Variants in L3MBTL3 observed in about 807,000 individuals in gnomAD.
The protein encoded by L3MBTL3 is lethal(3)malignant brain tumor-like protein 3.
L3MBTL3 carries 27 observed loss-of-function variants against 102.3 expected under a neutral mutation model. That is an observed-to-expected ratio of 0.26 (90% confidence interval 0.19 to 0.36). The LOEUF (loss-of-function observed/expected upper bound fraction) is 0.36, where lower values mean the gene tolerates loss of function less well. Among genes scored for constraint, L3MBTL3 ranks in the 10% least tolerant of loss-of-function variants. The probability of loss-of-function intolerance (pLI) is 1.00; values close to 1 mark genes in which losing one functional copy is unlikely to be tolerated. For synonymous variants in L3MBTL3, 340 were observed against 320.9 expected, an observed-to-expected ratio of 1.06 and a Z score of -0.64; for missense variants, 798 against 955.3, an observed-to-expected ratio of 0.84 and a Z score of 2.17.
At chr6:130,052,786 C>T (rs1781187291) in intron 6 of L3MBTL3, 73 bp from the exon 7 acceptor site, 2 of 1,500,622 alleles carry the variant, frequency 1.3e-6, no homozygotes, top group South Asian at 2.8e-5. Flanking sequence ...ATGATTGTTG[C>T]ATTGATAATC....
chr6:130,117,748 G>T (rs902827084), intron 19 of L3MBTL3, among the ~76,000 whole-genome samples: 1 of 151,914 alleles, frequency 6.6e-6, no homozygotes. Flanking sequence ...CACCGAGGCT[G>T]AAGTGCAGTG....
At chr6:130,117,863 CTTTTTTTTT>C (rs56787867) in intron 19 of L3MBTL3, among the ~76,000 whole-genome samples, 1 of 53,014 alleles carries the variant, frequency 1.9e-5, no homozygotes, top group African/African-American at 7.7e-5. Flanking sequence ...GCACGCCTGA[CTTTTTTTTT>C]TTTTTTTTTT....
intron 1 of L3MBTL3, among the ~76,000 whole-genome samples, chr6:130,021,377 T>G (rs1319682842): frequency 6.6e-6 from 1 of 152,200 alleles, no homozygotes; most frequent in Non-Finnish European, 1.5e-5. Context: ...AATTGAAAGT[T>G]TAGTAAATCG....
chr6:130,033,931 A>C (rs537612691), intron 2 of L3MBTL3, among the ~76,000 whole-genome samples: 3 of 152,260 alleles, frequency 2.0e-5, no homozygotes, highest in Non-Finnish European at 4.4e-5. Flanking sequence ...ACCCTTTCTC[A>C]GTAATCCAAA....
intron 10 of L3MBTL3, among the ~76,000 whole-genome samples, chr6:130,062,519 G>T (rs1781960729): frequency 6.6e-6 from 1 of 150,798 alleles, no homozygotes; most frequent in Non-Finnish European, 1.5e-5. Flanking sequence ...CCATGTAGCT[G>T]GGACCACAGG....
chr6:130,046,938 T>C (rs1038842744), intron 3 of L3MBTL3, among the ~76,000 whole-genome samples: 1 of 152,222 alleles, frequency 6.6e-6, no homozygotes, highest in Admixed American at 6.5e-5. Flanking sequence ...CTTTGTGGTC[T>C]AACATTTTCT....
intron 1 of L3MBTL3, among the ~76,000 whole-genome samples, chr6:130,020,040 G>A (rs1778868116): frequency 7.0e-6 from 1 of 142,558 alleles, no homozygotes; most frequent in Non-Finnish European, 1.6e-5. Context: ...GGGGGAGGGT[G>A]GGGGCGGCGC....
intron 22 of L3MBTL3, among the ~76,000 whole-genome samples, chr6:130,134,112 A>G (rs1787360751): frequency 6.6e-6 from 1 of 152,204 alleles, no homozygotes; most frequent in Non-Finnish European, 1.5e-5. Flanking sequence ...GTTTGTGAGT[A>G]CCATTTTATG....
chr6:130,129,032 T>C (rs777570501), intron 20 of L3MBTL3, among the ~76,000 whole-genome samples: 10 of 152,188 alleles, frequency 6.6e-5, no homozygotes, highest in Admixed American at 1.3e-4. Context: ...ACATTCCTTA[T>C]ACCGTGCAAT....
At chr6:130,125,529 C>T (rs1786538752) in intron 20 of L3MBTL3, among the ~76,000 whole-genome samples, 2 of 152,150 alleles carry the variant, frequency 1.3e-5, no homozygotes, top group Non-Finnish European at 2.9e-5. Flanking sequence ...GAAGTTTTCC[C>T]AAGGTCTTTT....
In L3MBTL3 at chr6:130,097,514, A is replaced by G. The variant is rs527460929; in HGVS notation, c.1736+3147A>G. ...TTTGATCTAAGAAGTGTTAAAACAA[A>G]ACGTGTCTAAACAATGAAGCTTGAT... On this transcript the variant is annotated intron_variant, in intron 18 of 22. Transcript: ENST00000361794. Among the ~76,000 whole-genome samples the G allele has an allele frequency of 1.4e-4, 21 of 152,352 alleles. No individual in the cohort carries two copies. In the South Asian group the frequency reaches 4.3e-3, roughly 32 times the overall value.
chr6:130,117,507 A>G (rs1367110100), intron 19 of L3MBTL3, among the ~76,000 whole-genome samples: 1 of 152,140 alleles, frequency 6.6e-6, no homozygotes, highest in Non-Finnish European at 1.5e-5. Context: ...TGATATAATC[A>G]TATTTTGTCT....
chr6:130,041,113 A>C (rs1780396544), intron 2 of L3MBTL3, among the ~76,000 whole-genome samples: 1 of 152,240 alleles, frequency 6.6e-6, no homozygotes, highest in African/African-American at 2.4e-5. Flanking sequence ...GAGACCCTTG[A>C]GGAATGCATG....
intron 3 of L3MBTL3, among the ~76,000 whole-genome samples, chr6:130,048,014 A>T (rs1005473194): frequency 6.6e-6 from 1 of 152,196 alleles, no homozygotes; most frequent in Non-Finnish European, 1.5e-5. Flanking sequence ...CCATTTCCAC[A>T]CGTTTAGTCT....
chr6:130,070,608 A>G (rs1782564263), intron 12 of L3MBTL3, among the ~76,000 whole-genome samples: 1 of 152,128 alleles, frequency 6.6e-6, no homozygotes, highest in African/African-American at 2.4e-5. Flanking sequence ...TAAGTCTGTA[A>G]TCAAGAAAAG....
intron 16 of L3MBTL3, among the ~76,000 whole-genome samples, chr6:130,090,796 A>C (rs1166845209): frequency 3.3e-5 from 5 of 152,008 alleles, no homozygotes; most frequent in Non-Finnish European, 5.9e-5. Context: ...CATGTTGTCC[A>C]GGCTGATCTT....
chr6:130,082,823 A>G (rs919906283), intron 14 of L3MBTL3, among the ~76,000 whole-genome samples: 4 of 152,178 alleles, frequency 2.6e-5, no homozygotes, highest in South Asian at 2.1e-4. Context: ...GTATATGTCT[A>G]TTTCTGTGTC....
intron 2 of L3MBTL3, among the ~76,000 whole-genome samples, chr6:130,042,217 A>G (rs192886534): frequency 1.3e-5 from 2 of 152,314 alleles, no homozygotes; most frequent in East Asian, 3.9e-4. Context: ...TTATCTTAAC[A>G]GAGCCTTTTT....
intron 7 of L3MBTL3, 66 bp from the exon 8 acceptor site, chr6:130,055,105 T>G: frequency 8.7e-7 from 1 of 1,142,980 alleles, no homozygotes; most frequent in South Asian, 1.2e-5. Flanking sequence ...TTCTGATAGC[T>G]CTCTAACTAT....
Sources: gnomAD v4.1 joint callset for allele counts (sites outside exome capture counted in the v4.1 genomes callset) on GRCh38, gnomAD v4.1.1 for gene constraint, MANE v1.5 for transcripts, NCBI Gene and HGNC (gene_info 2026-07-23, HGNC 2026-07-21) for gene names.